ANKRD29: variants seen among roughly 807,000 people sequenced by gnomAD.
The protein encoded by ANKRD29 is ankyrin repeat domain 29.
ANKRD29 carries 32 observed loss-of-function variants against 38.0 expected under a neutral mutation model. That is an observed-to-expected ratio of 0.84 (90% CI 0.64 to 1.13). ANKRD29 has a LOEUF of 1.13. Ranked by LOEUF, ANKRD29 falls within the 50% of genes most tolerant of loss-of-function variation. The pLI, the probability that ANKRD29 is intolerant of heterozygous loss-of-function variation, is 0.00. For synonymous variants in ANKRD29, 135 were observed against 152.4 expected, an observed-to-expected ratio of 0.89 and a Z score of 0.84; for missense variants, 357 against 377.9, an observed-to-expected ratio of 0.94 and a Z score of 0.46.
intron 1 of ANKRD29, among the ~76,000 whole-genome samples, chr18:23,654,379 G>A (rs569679816): frequency 2.0e-5 from 3 of 151,882 alleles, no homozygotes; most frequent in Non-Finnish European, 2.9e-5. Context: ...AAGCACTTTA[G>A]GAGGCTGAGG....
intron 1 of ANKRD29, among the ~76,000 whole-genome samples, chr18:23,655,505 C>G (rs185859126): frequency 6.6e-6 from 1 of 151,928 alleles, no homozygotes; most frequent in Non-Finnish European, 1.5e-5. Flanking sequence ...AGTGCAGTGG[C>G]GTGATCTCGA....
At chr18:23,662,462 G>A (rs1035110699) in intron 1 of ANKRD29, among the ~76,000 whole-genome samples, 8 of 152,114 alleles carry the variant, frequency 5.3e-5, no homozygotes, top group Non-Finnish European at 1.0e-4. Context: ...CACAGACTCA[G>A]CCGATCCACA....
At chr18:23,603,936 G>A (rs184959972) in intron 9 of ANKRD29, among the ~76,000 whole-genome samples, 70 of 151,532 alleles carry the variant, frequency 4.6e-4, no homozygotes, top group East Asian at 4.3e-3. Context: ...TCTACCTCCC[G>A]AGTTCAAGTG....
At chr18:23,606,183 C>T (rs188647430) in intron 9 of ANKRD29, among the ~76,000 whole-genome samples, 1 of 152,358 alleles carries the variant, frequency 6.6e-6, no homozygotes, top group East Asian at 1.9e-4. Context: ...AATCATGTAG[C>T]TCACTGCAGC....
chr18:23,625,309 G>T (rs998045486), intron 6 of ANKRD29, among the ~76,000 whole-genome samples: 9 of 152,222 alleles, frequency 5.9e-5, no homozygotes, highest in African/African-American at 2.2e-4. Flanking sequence ...ATCCTCCCCA[G>T]TCAAGGGTGA....
At chr18:23,641,425 G>A (rs1345582686) in intron 3 of ANKRD29, among the ~76,000 whole-genome samples, 2 of 152,234 alleles carry the variant, frequency 1.3e-5, no homozygotes, top group African/African-American at 4.8e-5. Flanking sequence ...AGCTGTAGCC[G>A]AGCCTGGGTG....
At chr18:23,629,806 T>C in intron 6 of ANKRD29, 47 bp downstream of exon 6, 3 of 1,537,432 alleles carry the variant, frequency 2.0e-6, no homozygotes, top group East Asian at 4.5e-5. Context: ...CAGCCCTCCC[T>C]GCCCCATGCG....
chr18:23,617,902 T>G (rs2059745538), intron 7 of ANKRD29, 75 bp from the exon 8 acceptor site: 2 of 1,208,878 alleles, frequency 1.7e-6, no homozygotes. Context: ...AGTTGGGAAC[T>G]GGAAAGTACC....
chr18:23,617,580 T>C, intron 8 of ANKRD29, 152 bp downstream of exon 8: 1 of 382,630 alleles, frequency 2.6e-6, no homozygotes, highest in South Asian at 2.8e-5. Flanking sequence ...CCAGAGCCCC[T>C]GGGATCTCCA....
At position 23,631,408 on chromosome 18, in the gene ANKRD29, T is replaced by C. The variant is rs563454519; in HGVS notation, c.430-1457A>G. ...GGCGTGCATCACCACATCCAGTTAATTTTTTAAAAAAATTTATAGTAGAGA... is the reference window on the plus strand; with the variant it reads ...GGCGTGCATCACCACATCCAGTTAACTTTTTAAAAAAATTTATAGTAGAGA... On this transcript the variant is annotated intron_variant, in intron 5 of 9. Transcript: ENST00000592179. 6.0e-5 allele frequency among the ~76,000 whole-genome samples: 9 copies of C among 150,012 alleles called. No homozygotes were observed. In the South Asian group the frequency reaches 1.9e-3, roughly 32 times the overall value.
chr18:23,623,800 G>T (rs961238617), intron 6 of ANKRD29, among the ~76,000 whole-genome samples: 1 of 151,748 alleles, frequency 6.6e-6, no homozygotes, highest in Admixed American at 6.6e-5. Flanking sequence ...CCACCACCAC[G>T]CCCGGCTAAT....
Position 23,638,327 on chromosome 18 carries a change from A to G in ANKRD29, c.330+522T>C, listed in dbSNP as rs563542503. Among the ~76,000 whole-genome samples, 7 of 152,278 alleles carry G rather than the reference A, an allele frequency of 4.6e-5. No individual in the cohort carries two copies. The East Asian group carries it at 1.4e-3, about 29-fold the overall frequency. ...TTACTTCTTTAAAGGAAGAACCACT[A>G]TATAGTTTCCCAACTATGTAAACTG... On this transcript the variant is annotated intron_variant, in intron 4 of 9. Transcript: ENST00000592179.
At chr18:23,624,916 A>G (rs985094777) in intron 6 of ANKRD29, among the ~76,000 whole-genome samples, 1 of 152,244 alleles carries the variant, frequency 6.6e-6, no homozygotes, top group African/African-American at 2.4e-5. Flanking sequence ...ATTAGAGACT[A>G]ACCTTGTATG....
chr18:23,659,143 A>G (rs1356802379), intron 1 of ANKRD29, among the ~76,000 whole-genome samples: 1 of 152,082 alleles, frequency 6.6e-6, no homozygotes, highest in Non-Finnish European at 1.5e-5. Context: ...CATGACGTCC[A>G]GCTAATTTTT....
intron 9 of ANKRD29, among the ~76,000 whole-genome samples, chr18:23,601,638 G>A (rs980791379): frequency 3.3e-5 from 5 of 151,986 alleles, no homozygotes; most frequent in Admixed American, 6.6e-5. Flanking sequence ...AATAAGTACC[G>A]GTCAAATTAA....
chr18:23,630,833 G>A (rs1598495087), intron 5 of ANKRD29, among the ~76,000 whole-genome samples: 1 of 148,606 alleles, frequency 6.7e-6, no homozygotes, highest in Non-Finnish European at 1.5e-5. Flanking sequence ...GGGCGAGGTG[G>A]CATGTGCTTA....
chr18:23,640,048 G>T (rs2060053746), intron 3 of ANKRD29, among the ~76,000 whole-genome samples: 1 of 152,200 alleles, frequency 6.6e-6, no homozygotes, highest in Non-Finnish European at 1.5e-5. Flanking sequence ...CTTAAAAATG[G>T]CTAAGAGGGT....
At chr18:23,630,253 C>T (rs536591021) in intron 5 of ANKRD29, among the ~76,000 whole-genome samples, 1 of 152,288 alleles carries the variant, frequency 6.6e-6, no homozygotes, top group South Asian at 2.1e-4. Context: ...GGCGATACCC[C>T]ATCTCTACTA....
intron 5 of ANKRD29, among the ~76,000 whole-genome samples, chr18:23,630,363 T>C (rs1437011810): frequency 1.3e-5 from 2 of 151,930 alleles, no homozygotes; most frequent in African/African-American, 4.8e-5. Context: ...GAGGCAGAGG[T>C]TGCAGTGAGC....
Sources: gnomAD v4.1 joint callset for allele counts (sites outside exome capture counted in the v4.1 genomes callset) on GRCh38, gnomAD v4.1.1 for gene constraint, MANE v1.5 for transcripts, NCBI Gene and HGNC (gene_info 2026-07-23, HGNC 2026-07-21) for gene names.